Variants in AGBL4 observed in about 807,000 individuals in gnomAD.
The protein encoded by AGBL4 is cytosolic carboxypeptidase 6.
Under a neutral mutation model 66.4 loss-of-function variants are expected in AGBL4, and 58 were observed. The ratio of observed to expected loss-of-function variants is 0.87; its 90% CI spans 0.71 to 1.09. The LOEUF (loss-of-function observed/expected upper bound fraction) is 1.09, where lower values mean the gene tolerates loss of function less well. Ranked by LOEUF, AGBL4 falls within the 50% of genes least tolerant of loss-of-function variation. The probability of loss-of-function intolerance (pLI) is 0.00; values close to 1 mark genes in which losing one functional copy is unlikely to be tolerated. For missense variants in AGBL4, 579 were observed against 631.0 expected, an observed-to-expected ratio of 0.92 and a Z score of 0.88; for synonymous variants, 234 against 222.9, an observed-to-expected ratio of 1.05 and a Z score of -0.44.
chr1:49,565,549 T>C (rs1644173916), intron 3 of AGBL4, among the ~76,000 whole-genome samples: 1 of 152,196 alleles, frequency 6.6e-6, no homozygotes, highest in African/African-American at 2.4e-5. Flanking sequence ...ATTTTATTTC[T>C]CCTTCATGTA....
At chr1:49,940,617 C>T (rs1273555573) in intron 1 of AGBL4, among the ~76,000 whole-genome samples, 9 of 151,862 alleles carry the variant, frequency 5.9e-5, no homozygotes, top group Admixed American at 2.6e-4. Context: ...ACCCAAACAC[C>T]GCATGTTCTC....
intron 6 of AGBL4, among the ~76,000 whole-genome samples, chr1:48,787,830 AGTG>A (rs2148725830): frequency 6.6e-6 from 1 of 152,346 alleles, no homozygotes; most frequent in South Asian, 2.1e-4. Flanking sequence ...GACTCTGGAT[AGTG>A]GCCAAGGGAA....
At chr1:49,735,967 G>A (rs937747938) in intron 2 of AGBL4, among the ~76,000 whole-genome samples, 29 of 151,776 alleles carry the variant, frequency 1.9e-4, no homozygotes, top group Admixed American at 3.9e-4. Context: ...TTTAAAGATG[G>A]GTCAACTGAA....
At chr1:48,586,120 A>G (rs1413031012) in intron 11 of AGBL4, 1 of 152,250 alleles carries the variant, frequency 6.6e-6, no homozygotes, top group African/African-American at 2.4e-5. Flanking sequence ...ACGATCTGTT[A>G]CAGCTCTGAT....
intron 6 of AGBL4, among the ~76,000 whole-genome samples, chr1:48,719,133 T>C (rs1317984860): frequency 6.6e-6 from 1 of 152,178 alleles, no homozygotes; most frequent in African/African-American, 2.4e-5. Flanking sequence ...AGGAAAGACC[T>C]GACAGAGACA....
chr1:48,836,509 C>T (rs188034257), intron 6 of AGBL4, among the ~76,000 whole-genome samples: 135 of 151,952 alleles, frequency 8.9e-4, no homozygotes, highest in African/African-American at 3.1e-3. Context: ...AGTTGTGACA[C>T]CTTGAATCAG....
At chr1:49,073,597 A>G (rs1478824168) in intron 4 of AGBL4, among the ~76,000 whole-genome samples, 2 of 152,174 alleles carry the variant, frequency 1.3e-5, no homozygotes, top group Non-Finnish European at 2.9e-5. Context: ...AACAGCAAAT[A>G]TCACTGCCTG....
At chr1:48,672,712 A>G (rs553400530) in intron 6 of AGBL4, among the ~76,000 whole-genome samples, 65 of 152,336 alleles carry the variant, frequency 4.3e-4, no homozygotes, top group Non-Finnish European at 5.3e-4. Context: ...AGGCCCAGAC[A>G]TCACAGAGTA....
At chr1:49,104,889 C>T (rs1045740929) in intron 4 of AGBL4, among the ~76,000 whole-genome samples, 14 of 152,268 alleles carry the variant, frequency 9.2e-5, no homozygotes, top group Non-Finnish European at 1.6e-4. Flanking sequence ...GCCCTGTTTA[C>T]CAATTCTTCT....
intron 1 of AGBL4, among the ~76,000 whole-genome samples, chr1:49,890,816 A>G (rs1438142077): frequency 6.6e-6 from 1 of 152,170 alleles, no homozygotes; most frequent in African/African-American, 2.4e-5. Flanking sequence ...AAAGAGCTTG[A>G]CTCCCTAAAT....
At chr1:49,331,047 T>C (rs1256959340) in intron 3 of AGBL4, among the ~76,000 whole-genome samples, 2 of 152,002 alleles carry the variant, frequency 1.3e-5, no homozygotes, top group African/African-American at 4.8e-5. Flanking sequence ...CCACAGATCT[T>C]TGCAACCCTT....
intron 5 of AGBL4, among the ~76,000 whole-genome samples, chr1:48,989,865 G>A (rs1660472744): frequency 2.0e-5 from 3 of 152,084 alleles, no homozygotes; most frequent in Admixed American, 6.5e-5. Context: ...ATATGTCTTC[G>A]ATATACTGAT....
At chr1:48,541,110 T>C (rs1056638459) in intron 11 of AGBL4, among the ~76,000 whole-genome samples, 1 of 152,192 alleles carries the variant, frequency 6.6e-6, no homozygotes, top group Non-Finnish European at 1.5e-5. Flanking sequence ...ACACTGAGCT[T>C]CTTCTGCCTC....
chr1:48,755,298 A>G (rs899669805), intron 6 of AGBL4, among the ~76,000 whole-genome samples: 1 of 152,026 alleles, frequency 6.6e-6, no homozygotes, highest in Non-Finnish European at 1.5e-5. Context: ...GTAGGACCCC[A>G]CTACCTCGGT....
At chr1:48,566,372 C>G (rs1271037499) in intron 11 of AGBL4, among the ~76,000 whole-genome samples, 1 of 152,176 alleles carries the variant, frequency 6.6e-6, no homozygotes, top group African/African-American at 2.4e-5. Flanking sequence ...AAATGAAACT[C>G]TCAATAAATA....
intron 3 of AGBL4, among the ~76,000 whole-genome samples, chr1:49,315,627 A>T (rs1645026869): frequency 6.6e-6 from 1 of 152,186 alleles, no homozygotes; most frequent in African/African-American, 2.4e-5. Flanking sequence ...GCGGCCAACA[A>T]ACATATGGAA....
At chr1:48,685,065 T>C (rs1188721897) in intron 6 of AGBL4, among the ~76,000 whole-genome samples, 1 of 152,172 alleles carries the variant, frequency 6.6e-6, no homozygotes, top group Non-Finnish European at 1.5e-5. Flanking sequence ...GGCAGAGACA[T>C]GGTGCATGGT....
intron 3 of AGBL4, among the ~76,000 whole-genome samples, chr1:49,378,642 A>G (rs1644523166): frequency 6.6e-6 from 1 of 152,110 alleles, no homozygotes; most frequent in Non-Finnish European, 1.5e-5. Flanking sequence ...AAGGAGCAAG[A>G]GTAGGCAAGG....
intron 3 of AGBL4, among the ~76,000 whole-genome samples, chr1:49,497,967 T>C (rs886857172): frequency 1.3e-5 from 2 of 152,040 alleles, no homozygotes; most frequent in Non-Finnish European, 2.9e-5. Context: ...TCTGGGGTAA[T>C]ATGGACATTT....
Sources: allele counts gnomAD v4.1 joint callset (sites outside exome capture counted in the v4.1 genomes callset), GRCh38; gene constraint gnomAD v4.1.1; transcripts MANE v1.5; gene names NCBI Gene and HGNC (gene_info 2026-07-23, HGNC 2026-07-21).